CUX1: variants seen among roughly 807,000 people sequenced by gnomAD.
The protein encoded by CUX1 is cut like homeobox 1, also known as protein CASP.
In CUX1, 31 loss-of-function variants were observed where a neutral mutation model predicts 158.8. That is an observed-to-expected ratio of 0.20 (90% CI 0.15 to 0.26). The LOEUF is 0.26. Among genes scored for constraint, CUX1 ranks in the 10% least tolerant of loss-of-function variants. CUX1 has a pLI of 1.00. For missense variants in CUX1, 1,589 were observed against 2,014.6 expected (o/e 0.79, Z 4.04); for synonymous variants, 879 against 862.1 (o/e 1.02, Z -0.34).
At chr7:102,088,373 C>CTT in intron 4 of CUX1, among the ~76,000 whole-genome samples, 1 of 152,260 alleles carries the variant, frequency 6.6e-6, no homozygotes, top group Non-Finnish European at 1.5e-5. Flanking sequence ...TGGCTTATGC[C>CTT]TGTAATCCCA....
At chr7:102,042,417 G>A (rs1216451001) in intron 3 of CUX1, among the ~76,000 whole-genome samples, 1 of 152,182 alleles carries the variant, frequency 6.6e-6, no homozygotes, top group African/African-American at 2.4e-5. Context: ...AACAAGTTCT[G>A]TGACTCTCTC....
intron 23 of CUX1, among the ~76,000 whole-genome samples, chr7:102,247,374 C>T (rs985762948): frequency 2.0e-5 from 3 of 152,332 alleles, no homozygotes; most frequent in Admixed American, 2.0e-4. Flanking sequence ...ATGGATGCAG[C>T]GGTTATCAGG....
At chr7:101,976,452 A>G (rs1812694799) in intron 2 of CUX1, among the ~76,000 whole-genome samples, 1 of 152,226 alleles carries the variant, frequency 6.6e-6, no homozygotes, top group Non-Finnish European at 1.5e-5. Context: ...AAAAATATGC[A>G]TAAGGAATTT....
chr7:102,050,028 C>T (rs10246310), intron 3 of CUX1, among the ~76,000 whole-genome samples: 1 of 152,076 alleles, frequency 6.6e-6, no homozygotes, highest in Admixed American at 6.6e-5. Flanking sequence ...GAACACCCCC[C>T]TGATAGGAGC....
intron 9 of CUX1, among the ~76,000 whole-genome samples, chr7:102,165,727 T>TG (rs1223938700): frequency 6.6e-6 from 1 of 152,060 alleles, no homozygotes; most frequent in Admixed American, 6.5e-5. Flanking sequence ...GGGCAGGGGT[T>TG]GGGGGGCCCG....
At chr7:101,929,413 A>G (rs1187982877) in intron 2 of CUX1, among the ~76,000 whole-genome samples, 2 of 152,170 alleles carry the variant, frequency 1.3e-5, no homozygotes, top group African/African-American at 2.4e-5. Context: ...AGAGTAGCCC[A>G]TAACTTGTCT....
chr7:102,051,957 A>G (rs1472461350), intron 3 of CUX1, among the ~76,000 whole-genome samples: 2 of 152,098 alleles, frequency 1.3e-5, no homozygotes, highest in East Asian at 3.8e-4. Flanking sequence ...CACATCTGTA[A>G]TCCCAGCACT....
intron 3 of CUX1, among the ~76,000 whole-genome samples, chr7:102,048,416 A>T (rs1357087698): frequency 6.6e-6 from 1 of 152,254 alleles, no homozygotes; most frequent in Non-Finnish European, 1.5e-5. Context: ...TAGACCGAAC[A>T]GGGTCACTCG....
intron 14 of CUX1, among the ~76,000 whole-genome samples, chr7:102,271,840 T>C (rs1181702314): frequency 6.6e-6 from 1 of 152,016 alleles, no homozygotes; most frequent in East Asian, 1.9e-4. Flanking sequence ...TGGACAACAT[T>C]GCTAAACCCC....
intron 1 of CUX1, among the ~76,000 whole-genome samples, chr7:101,886,368 T>C (rs1217940949): frequency 2.0e-5 from 3 of 152,220 alleles, no homozygotes; most frequent in Admixed American, 6.5e-5. Context: ...TAATTTTTTT[T>C]TGTAGTTTTT....
At chr7:102,191,888 C>A (rs782696942) in intron 12 of CUX1, among the ~76,000 whole-genome samples, 2 of 152,004 alleles carry the variant, frequency 1.3e-5, no homozygotes, top group Non-Finnish European at 2.9e-5. Flanking sequence ...ACATACCGTT[C>A]TACTCCCTCT....
At chr7:101,895,926 T>G (rs1269158687) in intron 1 of CUX1, among the ~76,000 whole-genome samples, 1 of 134,284 alleles carries the variant, frequency 7.4e-6, no homozygotes, top group African/African-American at 2.9e-5. Context: ...TTTTTTTTTT[T>G]GGAGACAGGG....
chr7:101,953,345 C>T (rs1042008041), intron 2 of CUX1, among the ~76,000 whole-genome samples: 6 of 152,168 alleles, frequency 3.9e-5, no homozygotes, highest in African/African-American at 1.2e-4. Flanking sequence ...AATACATTCC[C>T]GGCCCTCATA....
chr7:101,849,355 A>G (rs1232555183), intron 1 of CUX1, among the ~76,000 whole-genome samples: 2 of 148,966 alleles, frequency 1.3e-5, no homozygotes, highest in African/African-American at 5.0e-5. Flanking sequence ...AAAAGGCCCC[A>G]GTGTGTTTTT....
intron 10 of CUX1, among the ~76,000 whole-genome samples, chr7:102,174,107 C>T (rs1563351016): frequency 6.6e-6 from 1 of 151,970 alleles, no homozygotes; most frequent in Non-Finnish European, 1.5e-5. Context: ...CTGGGCTTTG[C>T]ATAGTTTTGT....
intron 20 of CUX1, 38 bp downstream of exon 20, chr7:102,205,208 C>T (rs782086793): frequency 1.4e-6 from 2 of 1,458,436 alleles, no homozygotes; most frequent in East Asian, 4.5e-5. Context: ...CATGAAATGT[C>T]TCACTGCCTT....
intron 4 of CUX1, among the ~76,000 whole-genome samples, chr7:102,079,437 C>CAA (rs535825246): frequency 0.013 from 1,864 of 140,158 alleles, 42 homozygotes; most frequent in African/African-American, 0.044. Flanking sequence ...GACTCTGTCT[C>CAA]AAAAAAAAAA....
chr7:101,840,641 T>C (rs1014440411), intron 1 of CUX1, among the ~76,000 whole-genome samples: 3 of 152,154 alleles, frequency 2.0e-5, no homozygotes, highest in Admixed American at 2.0e-4. Context: ...TTCAAATCTG[T>C]GTTATTAAGT....
At chr7:102,021,298 G>A (rs1405763786) in intron 2 of CUX1, among the ~76,000 whole-genome samples, 2 of 151,984 alleles carry the variant, frequency 1.3e-5, no homozygotes, top group Non-Finnish European at 2.9e-5. Flanking sequence ...GAAAAACCTG[G>A]ATTATCAGAT....
Sources: gnomAD v4.1 joint callset for allele counts (sites outside exome capture counted in the v4.1 genomes callset) on GRCh38, gnomAD v4.1.1 for gene constraint, MANE v1.5 for transcripts, NCBI Gene and HGNC (gene_info 2026-07-23, HGNC 2026-07-21) for gene names.